Variants in TBC1D19 observed in about 807,000 individuals in gnomAD.
The protein encoded by TBC1D19 is TBC1 domain family, member 19.
In TBC1D19, 60 loss-of-function variants were observed where a neutral mutation model predicts 89.0. The observed-to-expected ratio is 0.67, with a 90% CI of 0.55 to 0.84. The LOEUF (loss-of-function observed/expected upper bound fraction) is 0.84, where lower values mean the gene tolerates loss of function less well. Ranked by LOEUF, TBC1D19 falls within the 40% of genes least tolerant of loss-of-function variation. The pLI, the probability that TBC1D19 is intolerant of heterozygous loss-of-function variation, is 0.00. For synonymous variants in TBC1D19, 189 were observed against 199.7 expected, an observed-to-expected ratio of 0.95 and a Z score of 0.45; for missense variants, 500 against 610.8, an observed-to-expected ratio of 0.82 and a Z score of 1.91.
intron 3 of TBC1D19, among the ~76,000 whole-genome samples, chr4:26,616,745 T>C (rs536347441): frequency 1.7e-4 from 26 of 152,332 alleles, no homozygotes; most frequent in South Asian, 1.7e-3. Context: ...GAAAATTTTC[T>C]GTATTTTTTT....
At chr4:26,835,804 T>G in the TBC1D19 span, among the ~76,000 whole-genome samples, 3 of 152,190 alleles carry the variant, frequency 2.0e-5, no homozygotes, top group Non-Finnish European at 4.4e-5. Context: ...TGGCTTCCCA[T>G]TGTCCTTAGG....
intron 1 of TBC1D19, among the ~76,000 whole-genome samples, chr4:26,602,312 T>C (rs1276090953): frequency 6.6e-6 from 1 of 152,150 alleles, no homozygotes; most frequent in Non-Finnish European, 1.5e-5. Flanking sequence ...TACTAAGACT[T>C]CTTTGGGGGG....
chr4:26,770,376 A>C, the TBC1D19 span, among the ~76,000 whole-genome samples: 1 of 152,188 alleles, frequency 6.6e-6, no homozygotes, highest in Admixed American at 6.5e-5. Flanking sequence ...ATTTATGCAC[A>C]TAACAGAGTT....
At chr4:26,591,038 TC>T (rs1048826182) in intron 1 of TBC1D19, among the ~76,000 whole-genome samples, 27 of 146,346 alleles carry the variant, frequency 1.8e-4, no homozygotes, top group Admixed American at 8.7e-4. Flanking sequence ...ATTCTAAAAA[TC>T]CCCTGTGGCT....
chr4:26,797,062 C>T, the TBC1D19 span, among the ~76,000 whole-genome samples: 2 of 152,156 alleles, frequency 1.3e-5, no homozygotes, highest in South Asian at 4.1e-4. Context: ...AAATAAAAGG[C>T]ATCCAAATTG....
intron 5 of TBC1D19, among the ~76,000 whole-genome samples, chr4:26,637,487 C>T (rs1042235280): frequency 2.6e-5 from 4 of 152,090 alleles, no homozygotes; most frequent in Non-Finnish European, 5.9e-5. Flanking sequence ...ATTCTCCTGC[C>T]TCAGCCTCCA....
At chr4:26,672,522 C>T (rs1712410295) in intron 10 of TBC1D19, among the ~76,000 whole-genome samples, 1 of 151,954 alleles carries the variant, frequency 6.6e-6, no homozygotes, top group Admixed American at 6.6e-5. Context: ...CTTTGATGCA[C>T]CCACACACCT....
chr4:26,613,168 G>A lies in TBC1D19; in HGVS notation c.100-1G>A, dbSNP rs1741486693. 1 of 1,527,150 alleles carries A rather than the reference G, an allele frequency of 6.5e-7. No individual in the cohort carries two copies. The allele number at this position is 1,527,150 out of a possible 1,614,324, so 94.6% of individuals were successfully genotyped here. ...TTTTTTATTATTATTATTATTCTTA[G>A]GCCAGTCTTCAGAGACCTGAGATTA... On this transcript the variant is annotated splice_acceptor_variant, in intron 1 of 20. Transcript: ENST00000264866. LOFTEE classifies it high-confidence loss of function.
intron 7 of TBC1D19, among the ~76,000 whole-genome samples, chr4:26,646,330 G>C (rs182444506): frequency 6.6e-6 from 1 of 152,290 alleles, no homozygotes; most frequent in East Asian, 1.9e-4. Context: ...TGCTGGAGAG[G>C]ATGTGGAGAA....
At chr4:26,788,453 A>G in the TBC1D19 span, among the ~76,000 whole-genome samples, 1 of 152,278 alleles carries the variant, frequency 6.6e-6, no homozygotes, top group African/African-American at 2.4e-5. Context: ...CATAGTTTTA[A>G]TCAGATACTC....
chr4:26,799,629 C>T, the TBC1D19 span, among the ~76,000 whole-genome samples: 1 of 152,076 alleles, frequency 6.6e-6, no homozygotes, highest in African/African-American at 2.4e-5. Flanking sequence ...GGGATTAGTG[C>T]CTTTATAAAA....
chr4:26,798,257 A>C, the TBC1D19 span, among the ~76,000 whole-genome samples: 2 of 152,240 alleles, frequency 1.3e-5, no homozygotes, highest in Admixed American at 1.3e-4. Context: ...AGGAGCAGAC[A>C]TTTCTCAAAA....
At chr4:26,739,554 T>C (rs930146257) in intron 16 of TBC1D19, among the ~76,000 whole-genome samples, 1 of 152,204 alleles carries the variant, frequency 6.6e-6, no homozygotes, top group Admixed American at 6.5e-5. Context: ...ATTTGACTTA[T>C]GTAGTTTTTA....
At chr4:26,637,091 A>G in intron 4 of TBC1D19, 120 bp from the exon 5 acceptor site, 1 of 686,220 alleles carries the variant, frequency 1.5e-6, no homozygotes, top group Non-Finnish European at 2.4e-6. Flanking sequence ...GGACTAATAA[A>G]TAAGGATAAC....
At chr4:26,813,738 C>A in the TBC1D19 span, among the ~76,000 whole-genome samples, 1 of 152,196 alleles carries the variant, frequency 6.6e-6, no homozygotes, top group African/African-American at 2.4e-5. Context: ...TTCCTTTTCA[C>A]AGCCTCACTC....
chr4:26,673,672 A>T, intron 10 of TBC1D19, 104 bp from the exon 11 acceptor site: 1 of 767,020 alleles, frequency 1.3e-6, no homozygotes, highest in Non-Finnish European at 2.3e-6. Context: ...TATGTTAGAT[A>T]GAAAGACTGA....
chr4:26,696,331 C>T (rs537287155), intron 13 of TBC1D19, among the ~76,000 whole-genome samples: 14 of 152,242 alleles, frequency 9.2e-5, no homozygotes, highest in East Asian at 3.9e-4. Context: ...TATATGCACC[C>T]GATACAGGAC....
chr4:26,618,899 T>G (rs1174050191), intron 3 of TBC1D19, among the ~76,000 whole-genome samples: 1 of 152,030 alleles, frequency 6.6e-6, no homozygotes, highest in Non-Finnish European at 1.5e-5. Flanking sequence ...AAAAATAGAG[T>G]CAAGTGTGCT....
intron 1 of TBC1D19, among the ~76,000 whole-genome samples, chr4:26,610,776 T>A (rs1741330131): frequency 6.6e-6 from 1 of 152,048 alleles, no homozygotes; most frequent in South Asian, 2.1e-4. Flanking sequence ...CTAGACGTGA[T>A]CTCGTTGTTT....
Sources: gnomAD v4.1 joint callset for allele counts (sites outside exome capture counted in the v4.1 genomes callset) on GRCh38, gnomAD v4.1.1 for gene constraint, MANE v1.5 for transcripts, NCBI Gene and HGNC (gene_info 2026-07-23, HGNC 2026-07-21) for gene names.